The following MYRIP variants were observed in gnomAD, a reference collection of about 807,000 sequenced individuals.
MYRIP encodes myosin VIIA and Rab interacting protein.
Under a neutral mutation model 98.0 loss-of-function variants are expected in MYRIP, and 49 were observed. The observed-to-expected ratio is 0.50, with a 90% CI of 0.40 to 0.63. MYRIP has a LOEUF of 0.63. Ranked by LOEUF, MYRIP falls within the 30% of genes least tolerant of loss-of-function variation. MYRIP has a pLI of 0.00. For synonymous variants in MYRIP, 404 were observed against 409.5 expected (o/e 0.99, Z 0.16); for missense variants, 1,004 against 1,058.2 (o/e 0.95, Z 0.71).
chr3:40,112,673 G>A (rs1257074828), intron 3 of MYRIP, among the ~76,000 whole-genome samples: 5 of 152,286 alleles, frequency 3.3e-5, no homozygotes, highest in Non-Finnish European at 5.9e-5. Context: ...ATATTGGCAC[G>A]TGCAGCCCTC....
intron 2 of MYRIP, among the ~76,000 whole-genome samples, chr3:39,945,617 G>A (rs10510705): frequency 0.037 from 5,607 of 152,038 alleles, 201 homozygotes; most frequent in South Asian, 0.13. Context: ...GTGCCTTCCA[G>A]TCTGTAACCC....
intron 2 of MYRIP, among the ~76,000 whole-genome samples, chr3:39,934,212 T>G (rs1375105821): frequency 1.3e-5 from 2 of 150,416 alleles, no homozygotes; most frequent in Non-Finnish European, 3.0e-5. Flanking sequence ...GCTGTGCCCA[T>G]GTACTGATTC....
intron 1 of MYRIP, among the ~76,000 whole-genome samples, chr3:39,868,823 T>C (rs1942699580): frequency 6.6e-6 from 1 of 152,162 alleles, no homozygotes; most frequent in Non-Finnish European, 1.5e-5. Context: ...GGATATAAAA[T>C]TATGGGTTGA....
In MYRIP at chr3:40,170,059, C is replaced by A. The variant is rs769100225; in HGVS notation, c.839C>A (p.Ser280Tyr). 4.3e-6 allele frequency: 7 copies of A among 1,614,222 alleles called. No homozygotes were observed. The highest frequency in any genetic ancestry group is 2.2e-5 in the South Asian group (2 of 91,090). ...GTGGCAGATGAGGGGACCTCAGCAT[C>A]CCCTGGAGGCTACCGTGCTCCCGCT... is the stretch of plus-strand genomic sequence containing the variant. ...TKVADEGTSA[S>Y]PGGYRAPAAL... Residue 280 changes from serine (S) to tyrosine (Y), a missense_variant, in exon 8 of 17, where the codon TCC becomes TAC. Transcript: ENST00000302541.
At chr3:40,167,932 C>G (rs183691767) in intron 7 of MYRIP, among the ~76,000 whole-genome samples, 12 of 152,318 alleles carry the variant, frequency 7.9e-5, no homozygotes, top group Admixed American at 7.8e-4. Flanking sequence ...ACTCCCCCAA[C>G]ACATCGATGT....
intron 3 of MYRIP, among the ~76,000 whole-genome samples, chr3:40,093,584 G>A (rs1376322236): frequency 2.6e-5 from 4 of 152,216 alleles, no homozygotes; most frequent in Admixed American, 6.5e-5. Flanking sequence ...TGTTTACCCC[G>A]TGAGGGGATC....
At position 40,190,146 on chromosome 3, in the gene MYRIP, G is replaced by A; in HGVS notation, c.1348G>A (p.Ala450Thr). 1 of 1,614,044 alleles carries A rather than the reference G, an allele frequency of 6.2e-7. No individual in the cohort carries two copies. Among genetic ancestry groups the A allele is most frequent in the South Asian group, 1.1e-5 (1 of 91,056 alleles). Residue 450 changes from alanine to threonine, a missense_variant, in exon 10 of 17, where the codon GCC becomes ACC. Around this residue, in one of 3 missense-constraint regions of MYRIP, gnomAD observed 880 missense variants for 907.7 expected, o/e 0.97. Transcript: ENST00000302541. ...PSSALSPNPE[A>T]MCSDSETSSA... Reference sequence around the variant, plus strand: ...CTCTGCACTCTCCCCCAACCCTGAGGCCATGTGCTCTGACTCGGAGACCTC... The same window carrying A: ...CTCTGCACTCTCCCCCAACCCTGAGACCATGTGCTCTGACTCGGAGACCTC...
Position 40,134,507 on chromosome 3 carries a change from TC to T in MYRIP, c.333-16538del, listed in dbSNP as rs545304865. 7.2e-5 allele frequency among the ~76,000 whole-genome samples: 11 copies of T among 152,326 alleles called. No homozygotes were observed. In the East Asian group the frequency reaches 1.9e-3, roughly 27 times the overall value. On this transcript the variant is annotated intron_variant, in intron 3 of 16. Coordinates refer to ENST00000302541, the MANE Select transcript of MYRIP (RefSeq NM_015460.4). ...GCAATAACCTCTGCAGTCTTAAATG[TC>T]CCTGTCTGATAGCTTAGAAGAGAGT...
At chr3:40,125,840 T>C (rs535598838) in intron 3 of MYRIP, among the ~76,000 whole-genome samples, 1 of 152,318 alleles carries the variant, frequency 6.6e-6, no homozygotes, top group South Asian at 2.1e-4. Context: ...TTCACATTAA[T>C]GGCAGTTGTC....
chr3:40,060,718 A>T (rs949394552), intron 3 of MYRIP, among the ~76,000 whole-genome samples: 1 of 148,500 alleles, frequency 6.7e-6, no homozygotes, highest in Non-Finnish European at 1.5e-5. Context: ...CAGCCTCCCT[A>T]GTAGCTGGGA....
intron 1 of MYRIP, among the ~76,000 whole-genome samples, chr3:39,887,677 G>A (rs1943348070): frequency 6.6e-6 from 1 of 152,054 alleles, no homozygotes; most frequent in Non-Finnish European, 1.5e-5. Context: ...GTTCTGGCCA[G>A]GGCAATCAGG....
intron 12 of MYRIP, among the ~76,000 whole-genome samples, chr3:40,236,587 A>C (rs1369644038): frequency 5.3e-5 from 8 of 152,244 alleles, no homozygotes; most frequent in African/African-American, 1.9e-4. Context: ...AAATTCTTAC[A>C]GGTAAATATT....
intron 9 of MYRIP, among the ~76,000 whole-genome samples, chr3:40,182,623 G>A (rs1950911877): frequency 6.6e-6 from 1 of 152,210 alleles, no homozygotes; most frequent in Non-Finnish European, 1.5e-5. Context: ...CATATTCTAT[G>A]CTCTGTGCTG....
intron 1 of MYRIP, among the ~76,000 whole-genome samples, chr3:39,852,600 A>C (rs1446664189): frequency 6.6e-6 from 1 of 151,332 alleles, no homozygotes; most frequent in Non-Finnish European, 1.5e-5. Flanking sequence ...TTGTGTCCTC[A>C]TAGCCTAGCT....
intron 5 of MYRIP, among the ~76,000 whole-genome samples, chr3:40,165,139 C>T (rs767574893): frequency 6.6e-6 from 1 of 152,228 alleles, no homozygotes; most frequent in Non-Finnish European, 1.5e-5. Context: ...AGTGTGATGA[C>T]AACTTATATC....
At chr3:39,928,017 T>C (rs1473285937) in intron 2 of MYRIP, among the ~76,000 whole-genome samples, 1 of 152,014 alleles carries the variant, frequency 6.6e-6, no homozygotes, top group Non-Finnish European at 1.5e-5. Flanking sequence ...AAACTAGGCA[T>C]TGAAGACACA....
At chr3:40,204,134 ATATAT>A (rs1474878076) in intron 10 of MYRIP, among the ~76,000 whole-genome samples, 522 of 41,226 alleles carry the variant, frequency 0.013, 82 homozygotes, top group Admixed American at 0.019. Flanking sequence ...GTATTATATA[ATATAT>A]TATATAATAT....
intron 2 of MYRIP, among the ~76,000 whole-genome samples, chr3:39,960,840 A>T (rs1233707769): frequency 6.6e-6 from 1 of 152,134 alleles, no homozygotes; most frequent in Non-Finnish European, 1.5e-5. Context: ...AAACAATTGC[A>T]TTTCTTGGGG....
chr3:40,018,579 A>T (rs1946921718), intron 2 of MYRIP, among the ~76,000 whole-genome samples: 1 of 152,042 alleles, frequency 6.6e-6, no homozygotes, highest in African/African-American at 2.4e-5. Flanking sequence ...CCCAGGCTTC[A>T]CATCCTCTCA....
Sources: allele counts gnomAD v4.1 joint callset (sites outside exome capture counted in the v4.1 genomes callset), GRCh38; gene constraint gnomAD v4.1.1; regional missense constraint gnomAD v4.1.1; transcripts MANE v1.5; gene names NCBI Gene and HGNC (gene_info 2026-07-23, HGNC 2026-07-21).